Variants in SPOCK3 observed in about 807,000 individuals in gnomAD.
SPOCK3 encodes the protein testican-3.
SPOCK3 carries 30 observed loss-of-function variants against 56.6 expected under a neutral mutation model. The observed-to-expected ratio is 0.53, with a 90% confidence interval of 0.40 to 0.72. The LOEUF (loss-of-function observed/expected upper bound fraction) is 0.72. SPOCK3 is among the 30% of genes least tolerant of loss of function. The pLI is 0.00. For synonymous variants in SPOCK3, 196 were observed against 183.3 expected (o/e 1.07, Z -0.56); for missense variants, 527 against 530.0 (o/e 0.99, Z 0.06).
intron 3 of SPOCK3, among the ~76,000 whole-genome samples, chr4:167,022,239 CCAGTAGGAGAATATAATATAAAT>C (rs1441170718): frequency 2.6e-5 from 4 of 151,914 alleles, no homozygotes; most frequent in African/African-American, 9.7e-5. Flanking sequence ...GATCCAAGAC[CCAGTAGGAGAATATAATATAAAT>C]CTCTAGGATA....
At chr4:167,075,072 A>G (rs927358948) in intron 2 of SPOCK3, among the ~76,000 whole-genome samples, 1 of 151,980 alleles carries the variant, frequency 6.6e-6, no homozygotes. Flanking sequence ...CCTACTGTGC[A>G]CTCATTTTGT....
intron 4 of SPOCK3, among the ~76,000 whole-genome samples, chr4:166,999,242 C>A (rs2150125764): frequency 6.6e-6 from 1 of 152,200 alleles, no homozygotes; most frequent in Middle Eastern, 3.4e-3. Context: ...ACCCGCATAC[C>A]TTTGTTATAT....
At chr4:166,751,469 T>C (rs1419701238) in intron 8 of SPOCK3, among the ~76,000 whole-genome samples, 1 of 152,192 alleles carries the variant, frequency 6.6e-6, no homozygotes, top group Non-Finnish European at 1.5e-5. Context: ...TTGTTATTTC[T>C]GAAAGTAGAA....
chr4:167,211,517 C>T (rs1734870315), intron 2 of SPOCK3, among the ~76,000 whole-genome samples: 1 of 152,082 alleles, frequency 6.6e-6, no homozygotes, highest in African/African-American at 2.4e-5. Flanking sequence ...GTGGGAGGGA[C>T]CCTCTATGAG....
intron 6 of SPOCK3, among the ~76,000 whole-genome samples, chr4:166,871,531 G>A (rs954620905): frequency 7.9e-5 from 12 of 151,978 alleles, no homozygotes; most frequent in Middle Eastern, 3.2e-3. Flanking sequence ...CTGAATAACC[G>A]TATATCTATT....
At chr4:167,133,758 G>A (rs991966182) in intron 2 of SPOCK3, among the ~76,000 whole-genome samples, 1 of 152,072 alleles carries the variant, frequency 6.6e-6, no homozygotes, top group African/African-American at 2.4e-5. Flanking sequence ...TGTAATGAAT[G>A]GACACAGCAT....
chr4:166,786,546 C>T (rs758720481), intron 7 of SPOCK3, among the ~76,000 whole-genome samples: 2 of 152,044 alleles, frequency 1.3e-5, no homozygotes, highest in African/African-American at 2.4e-5. Context: ...TGTATTCTTA[C>T]CTATTATAAC....
At chr4:167,145,172 G>GT (rs1763839429) in intron 2 of SPOCK3, among the ~76,000 whole-genome samples, 1 of 152,030 alleles carries the variant, frequency 6.6e-6, no homozygotes, top group Non-Finnish European at 1.5e-5. Flanking sequence ...CCATTAAAGA[G>GT]TGAAGTCAAG....
At chr4:167,189,953 T>C (rs558821996) in intron 2 of SPOCK3, among the ~76,000 whole-genome samples, 1 of 146,314 alleles carries the variant, frequency 6.8e-6, no homozygotes, top group East Asian at 2.1e-4. Flanking sequence ...TGTTGTCACC[T>C]ATGAAAATAT....
intron 8 of SPOCK3, among the ~76,000 whole-genome samples, chr4:166,742,274 T>TATCTATC (rs998239618): frequency 1.3e-5 from 2 of 151,564 alleles, no homozygotes; most frequent in African/African-American, 4.9e-5. Context: ...TCTATCTATC[T>TATCTATC]ATCTAATATC....
chr4:167,157,311 G>A (rs780810446), intron 2 of SPOCK3, among the ~76,000 whole-genome samples: 48 of 151,852 alleles, frequency 3.2e-4, no homozygotes, highest in African/African-American at 8.0e-4. Context: ...TCATGACTTC[G>A]GAAAGATAAG....
At chr4:167,112,839 GCT>G (rs565588358) in intron 2 of SPOCK3, among the ~76,000 whole-genome samples, 452 of 23,060 alleles carry the variant, frequency 0.02, 4 homozygotes, top group Admixed American at 4.1e-3. Flanking sequence ...GTTCAAAAGT[GCT>G]CTTTTTTAAA....
intron 6 of SPOCK3, among the ~76,000 whole-genome samples, chr4:166,820,404 C>A (rs1337557272): frequency 6.6e-6 from 1 of 151,898 alleles, no homozygotes; most frequent in East Asian, 1.9e-4. Context: ...TACAGATATA[C>A]ATTTAGATTA....
At chr4:166,953,756 C>CA (rs1286349489) in intron 4 of SPOCK3, among the ~76,000 whole-genome samples, 1 of 151,894 alleles carries the variant, frequency 6.6e-6, no homozygotes, top group Admixed American at 6.6e-5. Context: ...TATGCAGCCA[C>CA]AAAAAATGAT....
chr4:167,056,136 C>T (rs998086216), intron 3 of SPOCK3, among the ~76,000 whole-genome samples: 4 of 152,142 alleles, frequency 2.6e-5, no homozygotes, highest in South Asian at 2.1e-4. Context: ...CAGCAGCATT[C>T]GCGGTTCACA....
At chr4:167,130,197 C>G (rs1445296738) in intron 2 of SPOCK3, among the ~76,000 whole-genome samples, 1 of 152,052 alleles carries the variant, frequency 6.6e-6, no homozygotes, top group African/African-American at 2.4e-5. Flanking sequence ...AACTCCCAGC[C>G]TCAAGCAATC....
chr4:167,193,909 T>C, intron 2 of SPOCK3, among the ~76,000 whole-genome samples: 1 of 147,340 alleles, frequency 6.8e-6, no homozygotes, highest in African/African-American at 2.6e-5. Flanking sequence ...TGTCCATATC[T>C]CAAGATTTGG....
intron 4 of SPOCK3, among the ~76,000 whole-genome samples, chr4:166,972,711 T>C (rs1405951764): frequency 2.0e-5 from 3 of 152,008 alleles, no homozygotes; most frequent in Non-Finnish European, 4.4e-5. Context: ...TTTTTCTTAA[T>C]TATTGATCAA....
At chr4:166,788,032 G>T (rs551100559) in intron 7 of SPOCK3, among the ~76,000 whole-genome samples, 1 of 151,926 alleles carries the variant, frequency 6.6e-6, no homozygotes, top group East Asian at 1.9e-4. Context: ...AAATACAAAA[G>T]GTTAGCTGGT....
Sources: allele counts gnomAD v4.1 joint callset (sites outside exome capture counted in the v4.1 genomes callset), GRCh38; gene constraint gnomAD v4.1.1; transcripts MANE v1.5; gene names NCBI Gene and HGNC (gene_info 2026-07-23, HGNC 2026-07-21).